The following RYR2 variants were observed in gnomAD, a reference collection of about 807,000 sequenced individuals.
The protein encoded by RYR2 is cardiac muscle ryanodine receptor-calcium release channel.
A neutral mutation model predicts 601.1 loss-of-function variants in RYR2; 227 were observed. The observed-to-expected ratio is 0.38, with a 90% CI of 0.34 to 0.42. The LOEUF is 0.42. RYR2 is among the 10% of genes least tolerant of loss of function. The pLI, the probability that RYR2 is intolerant of heterozygous loss-of-function variation, is 1.00. For missense variants in RYR2, 4,646 were observed against 6,156.5 expected (o/e 0.75, Z 8.21); for synonymous variants, 2,223 against 2,175.1 (o/e 1.02, Z -0.61).
intron 40 of RYR2, among the ~76,000 whole-genome samples, chr1:237,626,435 A>G (rs1381517076): frequency 6.6e-6 from 1 of 151,936 alleles, no homozygotes; most frequent in African/African-American, 2.4e-5. Flanking sequence ...CTTTTACAGC[A>G]CTTTTTTTTG....
At chr1:237,107,379 G>T in intron 1 of RYR2, among the ~76,000 whole-genome samples, 1 of 151,212 alleles carries the variant, frequency 6.6e-6, no homozygotes. Context: ...AAATTAGCTG[G>T]ACGTGGTGGC....
chr1:237,188,028 C>T (rs762733353), intron 1 of RYR2, among the ~76,000 whole-genome samples: 4 of 152,174 alleles, frequency 2.6e-5, no homozygotes, highest in Admixed American at 6.5e-5. Flanking sequence ...ATCACTAAAG[C>T]GGCATGACTC....
At chr1:237,107,404 C>G (rs374508768) in intron 1 of RYR2, among the ~76,000 whole-genome samples, 1 of 150,330 alleles carries the variant, frequency 6.7e-6, no homozygotes, top group Admixed American at 6.7e-5. Context: ...GCCTGTAGTC[C>G]CAGCTACTCA....
At chr1:237,414,596 A>T (rs1489308269) in intron 10 of RYR2, among the ~76,000 whole-genome samples, 4 of 152,236 alleles carry the variant, frequency 2.6e-5, no homozygotes, top group Admixed American at 2.6e-4. Flanking sequence ...ATGATATTTC[A>T]ATACATACAC....
At chr1:237,504,441 T>G (rs1213870460) in intron 22 of RYR2, among the ~76,000 whole-genome samples, 2 of 152,118 alleles carry the variant, frequency 1.3e-5, no homozygotes, top group Admixed American at 1.3e-4. Flanking sequence ...ATTGATCAGT[T>G]CGGGTGGGGC....
intron 11 of RYR2, among the ~76,000 whole-genome samples, chr1:237,422,261 C>T (rs755983548): frequency 6.6e-6 from 1 of 152,116 alleles, no homozygotes; most frequent in Non-Finnish European, 1.5e-5. Flanking sequence ...AAGTGATAAT[C>T]GTACATACTT....
chr1:237,428,595 C>A (rs569637672), intron 12 of RYR2, among the ~76,000 whole-genome samples: 1 of 151,432 alleles, frequency 6.6e-6, no homozygotes, highest in African/African-American at 2.4e-5. Flanking sequence ...CAGGGCCTCT[C>A]GGTGGGGCGG....
rs58358151 is a variant in RYR2 at position 237,473,431 on chromosome 1, C to CTCTTTCTTTCTTTCTTTCTT, written c.1708+4256_1708+4275dup. Among the ~76,000 whole-genome samples the CTCTTTCTTTCTTTCTTTCTT allele has an allele frequency of 7.2e-3, 832 of 115,838 alleles. 19 individuals are homozygous for CTCTTTCTTTCTTTCTTTCTT. The highest frequency in any genetic ancestry group is 0.024 in the African/African-American group (768 of 31,554). 76.0% of individuals were successfully genotyped at this position (115,838 alleles called of 152,430 possible). On this transcript the variant is annotated intron_variant, in intron 17 of 104. Coordinates refer to ENST00000366574, the MANE Select transcript of RYR2 (RefSeq NM_001035.3). Reference sequence around the variant, plus strand: ...AGAACGAGACTCCATCTCTCTCTCTCTCTTTCTTTCTTTCTTTCTTTCTTT... The same window carrying CTCTTTCTTTCTTTCTTTCTT: ...AGAACGAGACTCCATCTCTCTCTCTCTCTTTCTTTCTTTCTTTCTTTCTTTCTTTCTTTCTTTCTTTCTTT...
intron 2 of RYR2, among the ~76,000 whole-genome samples, chr1:237,324,200 C>T (rs1325183424): frequency 6.6e-6 from 1 of 152,248 alleles, no homozygotes. Flanking sequence ...GGATACAACA[C>T]CATGGTTTTT....
chr1:237,441,371 A>G lies in RYR2; in HGVS notation c.1058A>G (p.Glu353Gly). 1 of 1,613,888 alleles carries G rather than the reference A, an allele frequency of 6.2e-7. No individual in the cohort carries two copies. Among genetic ancestry groups the G allele is most frequent in the South Asian group, 1.1e-5 (1 of 91,078 alleles). Reference sequence around the variant, plus strand: ...GAAGTAGATGGCATGGGAACATCTGAAATAAAATACGGTGACTCAGTATGC... The same window carrying G: ...GAAGTAGATGGCATGGGAACATCTGGAATAAAATACGGTGACTCAGTATGC... Reference protein sequence around the residue: ...RKEVDGMGTSEIKYGDSVCYI... With the variant: ...RKEVDGMGTSGIKYGDSVCYI... Residue 353 changes from glutamate to glycine, a missense_variant, in exon 13 of 105, where the codon GAA becomes GGA. Coordinates refer to ENST00000366574, the MANE Select transcript of RYR2 (RefSeq NM_001035.3).
intron 1 of RYR2, among the ~76,000 whole-genome samples, chr1:237,043,695 A>C (rs1431461146): frequency 1.3e-5 from 2 of 152,182 alleles, no homozygotes; most frequent in African/African-American, 4.8e-5. Context: ...AGACTTCCCC[A>C]ACCTAGAACT....
At chr1:237,233,497 C>A (rs545479515) in intron 1 of RYR2, among the ~76,000 whole-genome samples, 3 of 151,704 alleles carry the variant, frequency 2.0e-5, no homozygotes, top group Non-Finnish European at 4.4e-5. Flanking sequence ...TATATTAGTT[C>A]TTGATGGACC....
intron 1 of RYR2, among the ~76,000 whole-genome samples, chr1:237,155,713 G>A (rs761955483): frequency 4.6e-5 from 7 of 152,122 alleles, no homozygotes; most frequent in Non-Finnish European, 1.0e-4. Context: ...TAAATATGCA[G>A]TTATATATCT....
intron 34 of RYR2, among the ~76,000 whole-genome samples, chr1:237,598,780 T>C (rs915939130): frequency 6.6e-6 from 1 of 151,826 alleles, no homozygotes; most frequent in Non-Finnish European, 1.5e-5. Flanking sequence ...CCCAAATTAA[T>C]AGAAGTAAAT....
intron 32 of RYR2, among the ~76,000 whole-genome samples, chr1:237,592,662 A>G (rs1246999858): frequency 1.3e-5 from 2 of 151,406 alleles, no homozygotes; most frequent in Non-Finnish European, 2.9e-5. Flanking sequence ...TTAAAGTTCA[A>G]AATGTTATGT....
chr1:237,052,267 A>G (rs772981886), intron 1 of RYR2, among the ~76,000 whole-genome samples: 4 of 152,192 alleles, frequency 2.6e-5, no homozygotes, highest in Non-Finnish European at 5.9e-5. Flanking sequence ...TTATGGTTCT[A>G]GGGGGATTGT....
intron 79 of RYR2, among the ~76,000 whole-genome samples, chr1:237,734,265 G>A: frequency 6.6e-6 from 1 of 152,154 alleles, no homozygotes; most frequent in African/African-American, 2.4e-5. Flanking sequence ...AAGGCAAAGG[G>A]GAAGTAAGGT....
At chr1:237,636,502 A>G (rs970958092) in intron 44 of RYR2, among the ~76,000 whole-genome samples, 1 of 152,368 alleles carries the variant, frequency 6.6e-6, no homozygotes, top group East Asian at 1.9e-4. Context: ...AAAATGGCCA[A>G]TACTAATGCA....
chr1:237,397,967 C>T (rs868450463), intron 10 of RYR2, among the ~76,000 whole-genome samples: 10 of 152,146 alleles, frequency 6.6e-5, no homozygotes, highest in East Asian at 3.9e-4. Flanking sequence ...GTGATCCACC[C>T]GCCTCGGCCT....
Sources: allele counts gnomAD v4.1 joint callset (sites outside exome capture counted in the v4.1 genomes callset), GRCh38; gene constraint gnomAD v4.1.1; transcripts MANE v1.5; gene names NCBI Gene and HGNC (gene_info 2026-07-23, HGNC 2026-07-21).